The following CCSER1 variants were observed in gnomAD, a reference collection of about 807,000 sequenced individuals.
CCSER1 encodes the protein coiled-coil serine rich protein 1, also known as serine-rich coiled-coil domain-containing protein 1.
A neutral mutation model predicts 82.0 loss-of-function variants in CCSER1; 41 were observed. The observed-to-expected ratio is 0.50, with a 90% confidence interval of 0.39 to 0.65. The LOEUF (loss-of-function observed/expected upper bound fraction) is 0.65, where lower values mean the gene tolerates loss of function less well. Ranked by LOEUF, CCSER1 falls within the 30% of genes least tolerant of loss-of-function variation. CCSER1 has a pLI of 0.00. For missense variants in CCSER1, 1,119 were observed against 1,064.2 expected, an observed-to-expected ratio of 1.05 and a Z score of -0.72; for synonymous variants, 414 against 383.9, an observed-to-expected ratio of 1.08 and a Z score of -0.92.
chr4:90,962,911 A>G (rs545226735), intron 9 of CCSER1, among the ~76,000 whole-genome samples: 1 of 152,294 alleles, frequency 6.6e-6, no homozygotes, highest in Non-Finnish European at 1.5e-5. Flanking sequence ...AGCATTAATG[A>G]TAATGCAGCC....
chr4:90,698,455 G>A (rs1402881385), intron 6 of CCSER1, among the ~76,000 whole-genome samples: 1 of 152,186 alleles, frequency 6.6e-6, no homozygotes, highest in African/African-American at 2.4e-5. Context: ...CCAATCTGTA[G>A]TGCAATATAG....
intron 6 of CCSER1, among the ~76,000 whole-genome samples, chr4:90,695,168 A>G (rs906118582): frequency 1.3e-5 from 2 of 151,428 alleles, no homozygotes; most frequent in Admixed American, 6.6e-5. Flanking sequence ...AACAAATTAA[A>G]ATGTTAAATT....
intron 5 of CCSER1, among the ~76,000 whole-genome samples, chr4:90,504,992 A>G (rs1217236446): frequency 6.6e-6 from 1 of 152,186 alleles, no homozygotes; most frequent in Non-Finnish European, 1.5e-5. Flanking sequence ...CACTAGGCCT[A>G]AAACAACTGG....
chr4:90,910,204 G>A (rs1017486279), intron 8 of CCSER1, among the ~76,000 whole-genome samples: 5 of 152,166 alleles, frequency 3.3e-5, no homozygotes, highest in African/African-American at 1.2e-4. Context: ...GGGGAAATCT[G>A]CCTCCATGAT....
intron 1 of CCSER1, among the ~76,000 whole-genome samples, chr4:90,209,674 GT>G (rs1739575791): frequency 6.6e-6 from 1 of 151,684 alleles, no homozygotes; most frequent in African/African-American, 2.4e-5. Context: ...TTGAATTTCA[GT>G]TTTCCTTTAC....
chr4:90,480,891 G>A (rs1288707915), intron 5 of CCSER1, among the ~76,000 whole-genome samples: 1 of 152,194 alleles, frequency 6.6e-6, no homozygotes, highest in Non-Finnish European at 1.5e-5. Flanking sequence ...GAACTTTAAA[G>A]TAGTTTTTTC....
chr4:90,638,109 G>C (rs797009486), intron 6 of CCSER1, among the ~76,000 whole-genome samples: 33 of 152,260 alleles, frequency 2.2e-4, no homozygotes, highest in African/African-American at 7.2e-4. Flanking sequence ...TTGTTTGACT[G>C]TGAAGTTCGA....
intron 1 of CCSER1, among the ~76,000 whole-genome samples, chr4:90,158,311 G>A (rs1728707798): frequency 6.6e-6 from 1 of 152,154 alleles, no homozygotes; most frequent in African/African-American, 2.4e-5. Flanking sequence ...CAGTTAGGCT[G>A]CTCGGGGGTC....
At chr4:90,850,171 A>T (rs1763700494) in intron 8 of CCSER1, among the ~76,000 whole-genome samples, 1 of 152,186 alleles carries the variant, frequency 6.6e-6, no homozygotes, top group Non-Finnish European at 1.5e-5. Context: ...GGAGTCAAGA[A>T]TTGAGGTTTG....
chr4:91,238,691 G>T (rs970560069), intron 10 of CCSER1, among the ~76,000 whole-genome samples: 1 of 152,134 alleles, frequency 6.6e-6, no homozygotes, highest in Admixed American at 6.5e-5. Flanking sequence ...TAATTATCCA[G>T]TATTGAGTAC....
chr4:90,154,262 T>A (rs1475622768), intron 1 of CCSER1, among the ~76,000 whole-genome samples: 4 of 152,368 alleles, frequency 2.6e-5, no homozygotes, highest in Non-Finnish European at 4.4e-5. Context: ...ACCAGTACCA[T>A]GCTGTTTTGG....
At chr4:91,447,834 T>C (rs1482416557) in intron 10 of CCSER1, among the ~76,000 whole-genome samples, 11 of 152,152 alleles carry the variant, frequency 7.2e-5, no homozygotes, top group Admixed American at 7.2e-4. Flanking sequence ...TTTGTCTACA[T>C]GTGTGAATCT....
intron 5 of CCSER1, among the ~76,000 whole-genome samples, chr4:90,553,929 A>G (rs1333154847): frequency 1.3e-5 from 2 of 152,246 alleles, no homozygotes; most frequent in African/African-American, 2.4e-5. Context: ...ATAGAATAAC[A>G]TAATTTAAAG....
At chr4:91,543,561 A>T (rs562909233) in intron 10 of CCSER1, among the ~76,000 whole-genome samples, 1 of 152,180 alleles carries the variant, frequency 6.6e-6, no homozygotes, top group South Asian at 2.1e-4. Flanking sequence ...TCCCTTATGA[A>T]GCTTAATTTG....
At chr4:91,468,763 GTTTAC>G (rs1417690723) in intron 10 of CCSER1, among the ~76,000 whole-genome samples, 5 of 151,888 alleles carry the variant, frequency 3.3e-5, no homozygotes, top group African/African-American at 1.2e-4. Flanking sequence ...GAATTAATCA[GTTTAC>G]TTGGGAGAGG....
At chr4:91,306,829 T>G (rs1465635103) in intron 10 of CCSER1, among the ~76,000 whole-genome samples, 1 of 152,026 alleles carries the variant, frequency 6.6e-6, no homozygotes, top group African/African-American at 2.4e-5. Flanking sequence ...TAAATCAACT[T>G]TTACAAAACT....
intron 3 of CCSER1, among the ~76,000 whole-genome samples, chr4:90,365,582 A>T (rs1746146694): frequency 6.6e-6 from 1 of 151,790 alleles, no homozygotes; most frequent in Non-Finnish European, 1.5e-5. Flanking sequence ...CTCCTATTTG[A>T]TGCTCAAAAT....
chr4:91,053,527 G>A (rs1335970307), intron 9 of CCSER1, among the ~76,000 whole-genome samples: 1 of 151,968 alleles, frequency 6.6e-6, no homozygotes, highest in Non-Finnish European at 1.5e-5. Flanking sequence ...TCTATTCTTG[G>A]CTGCCACCAA....
At chr4:91,288,923 G>T (rs1285610998) in intron 10 of CCSER1, among the ~76,000 whole-genome samples, 2 of 152,046 alleles carry the variant, frequency 1.3e-5, no homozygotes, top group Non-Finnish European at 2.9e-5. Context: ...CAGAGAAAGA[G>T]AGAATGCCTC....
Sources: gnomAD v4.1 joint callset for allele counts (sites outside exome capture counted in the v4.1 genomes callset) on GRCh38, gnomAD v4.1.1 for gene constraint, MANE v1.5 for transcripts, NCBI Gene and HGNC (gene_info 2026-07-23, HGNC 2026-07-21) for gene names.